The following ELFN2 variants were observed in gnomAD, a reference collection of about 807,000 sequenced individuals.
ELFN2 encodes protein phosphatase 1 regulatory subunit 29.
In ELFN2, 17 loss-of-function variants were observed where a neutral mutation model predicts 45.5. That is an observed-to-expected ratio of 0.37 (90% CI 0.26 to 0.56). The LOEUF (loss-of-function observed/expected upper bound fraction) is 0.56, where lower values mean the gene tolerates loss of function less well. ELFN2 is among the 20% of genes least tolerant of loss of function. The probability of loss-of-function intolerance (pLI) is 0.77; values close to 1 mark genes in which losing one functional copy is unlikely to be tolerated. For missense variants in ELFN2, 922 were observed against 1,183.2 expected, an observed-to-expected ratio of 0.78 and a Z score of 3.24; for synonymous variants, 550 against 551.5, an observed-to-expected ratio of 1.00 and a Z score of 0.04.
chr22:37,374,490 C>T lies in ELFN2; in HGVS notation c.1045G>A (p.Asp349Asn). The T allele has an allele frequency of 6.2e-7, 1 of 1,614,222 alleles. No homozygotes were observed. Among genetic ancestry groups the T allele is most frequent in the Non-Finnish European group, 8.5e-7 (1 of 1,180,034 alleles). Residue 349 changes from aspartate to asparagine, a missense_variant, in exon 3 of 3, where the codon GAC becomes AAC. Transcript: ENST00000402918. ...LKNKKEIVTL[D>N]KLRAHTEYTF... ...TACTCAGTGTGCGCCCGCAGTTTGTCCAGCGTCACGATCTCCTTCTTGTTC... is the reference window on the plus strand; with the variant it reads ...TACTCAGTGTGCGCCCGCAGTTTGTTCAGCGTCACGATCTCCTTCTTGTTC...
chr22:37,352,156 T>G lies in ELFN2; in HGVS notation n.149-9453A>C, dbSNP rs529910816. The G allele has an allele frequency of 2.6e-5, 4 of 151,088 alleles. No individual in the cohort carries two copies. In the East Asian group the frequency reaches 7.7e-4, roughly 29 times the overall value. The allele number at this position is 151,088 out of a possible 1,614,324, so 9.4% of individuals were successfully genotyped here. On this transcript the variant is annotated intron_variant and non_coding_transcript_variant, in intron 1 of 2. Transcript: ENST00000452946. ...CTATGGGTGCCATAAGTCCGCAAGG[T>G]TCAAGGACGCCGATGGTTCACCCAA... is the stretch of plus-strand genomic sequence containing the variant.
rs529749515 is a variant in ELFN2 at position 37,372,822 on chromosome 22, G to A, written c.*250C>T. ...CTGGGCAGCACAGTAAAGACGACTG[G>A]TTTCGGTATCAGTTTGTAAACTTTA... On this transcript the variant is annotated 3_prime_UTR_variant, in exon 3 of 3. Transcript: ENST00000402918. The surrounding 1 kb of genome is among the most constrained non-coding windows in gnomAD (Gnocchi z 4.4). The A allele has an allele frequency of 2.0e-6, 1 of 502,606 alleles. No individual in the cohort carries two copies. Among genetic ancestry groups the A allele is most frequent in the South Asian group, 2.6e-5 (1 of 37,996 alleles). The allele number at this position is 502,606 out of a possible 1,614,324, so 31.1% of individuals were successfully genotyped here. A position where few individuals can be genotyped will look rare whatever the true frequency, so the allele number is the denominator to read the frequency against.
chr22:37,421,099 C>A (rs1050252303), intron 1 of ELFN2, among the ~76,000 whole-genome samples: 1 of 152,180 alleles, frequency 6.6e-6, no homozygotes, highest in Non-Finnish European at 1.5e-5. Flanking sequence ...GATTCTAATG[C>A]TCCCTGACAA....
intron 2 of ELFN2, among the ~76,000 whole-genome samples, chr22:37,402,483 G>A (rs183545399): frequency 6.6e-6 from 1 of 152,264 alleles, no homozygotes; most frequent in South Asian, 2.1e-4. Context: ...CCTAGTTCTT[G>A]CCTCTCAAAA....
chr22:37,358,050 C>T (rs1411421185), intron 1 of ELFN2, among the ~76,000 whole-genome samples: 2 of 152,312 alleles, frequency 1.3e-5, no homozygotes, highest in East Asian at 3.9e-4. Flanking sequence ...TCATTCTCAG[C>T]AGGTGGACCT....
chr22:37,392,610 G>A (rs770850215), intron 2 of ELFN2, among the ~76,000 whole-genome samples: 4 of 152,156 alleles, frequency 2.6e-5, no homozygotes, highest in Non-Finnish European at 2.9e-5. Flanking sequence ...AAGCCACCGC[G>A]CCCGGCCAGA....
intron 1 of ELFN2, chr22:37,354,475 T>C (rs1930901650): frequency 6.6e-6 from 1 of 152,158 alleles, no homozygotes; most frequent in South Asian, 2.1e-4. Flanking sequence ...ATGACTTAGG[T>C]ATGTGACCTT....
intron 1 of ELFN2, among the ~76,000 whole-genome samples, chr22:37,420,030 C>A (rs1334443813): frequency 6.6e-6 from 1 of 152,182 alleles, no homozygotes; most frequent in Non-Finnish European, 1.5e-5. Context: ...TAAACACAGG[C>A]AAGTAAGGAG....
chr22:37,366,451 G>A (rs758337120), downstream of ELFN2, among the ~76,000 whole-genome samples: 9 of 152,334 alleles, frequency 5.9e-5, no homozygotes, highest in South Asian at 2.1e-4. Flanking sequence ...TTGGACTCTC[G>A]AGGTTCGTTG....
intron 2 of ELFN2, among the ~76,000 whole-genome samples, chr22:37,407,706 G>A (rs1017151862): frequency 6.6e-6 from 1 of 151,892 alleles, no homozygotes; most frequent in Non-Finnish European, 1.5e-5. Flanking sequence ...GACCATCCTG[G>A]CTAACATGGT....
chr22:37,390,293 A>C (rs1035859887), intron 2 of ELFN2, among the ~76,000 whole-genome samples: 8 of 152,196 alleles, frequency 5.3e-5, no homozygotes, highest in Non-Finnish European at 8.8e-5. Flanking sequence ...ACAGATGAGG[A>C]GACTGAGGCT....
At chr22:37,390,056 G>A (rs556446950) in intron 2 of ELFN2, among the ~76,000 whole-genome samples, 8 of 152,296 alleles carry the variant, frequency 5.3e-5, no homozygotes, top group African/African-American at 1.4e-4. Flanking sequence ...AGATGAGTCC[G>A]AATTCTGCCC....
chr22:37,418,038 T>G (rs1932779747), intron 1 of ELFN2, 119 bp from the exon 2 acceptor site: 1 of 152,276 alleles, frequency 6.6e-6, no homozygotes, highest in Non-Finnish European at 1.5e-5. Flanking sequence ...TACACTCACT[T>G]CTTTCTTGGG....
At position 37,368,447 on chromosome 22, in the gene ELFN2, A is replaced by C. The variant is rs1433019319; in HGVS notation, c.*4625T>G. On this transcript the variant is annotated 3_prime_UTR_variant, in exon 3 of 3. Transcript: ENST00000402918. ...CCCCTTCCTCTCCCTCCTGCTCAGCAGGACTGCCTGACCTTTAGTGAGGCC... is the reference window on the plus strand; with the variant it reads ...CCCCTTCCTCTCCCTCCTGCTCAGCCGGACTGCCTGACCTTTAGTGAGGCC... The C allele has an allele frequency of 6.6e-6, 1 of 152,386 alleles. No homozygotes were observed. The highest frequency in any genetic ancestry group is 1.9e-4 in the East Asian group (1 of 5,200). 9.4% of individuals were successfully genotyped at this position (152,386 alleles called of 1,614,324 possible).
chr22:37,367,248 G>A (rs1223743194), downstream of ELFN2, among the ~76,000 whole-genome samples: 1 of 152,222 alleles, frequency 6.6e-6, no homozygotes, highest in Non-Finnish European at 1.5e-5. Context: ...GGCTTGGGCG[G>A]TTCAGCCTGC....
Position 37,368,021 on chromosome 22 carries a change from C to T in ELFN2, c.*5051G>A, listed in dbSNP as rs1346762746. 1.3e-5 allele frequency: 2 copies of T among 152,468 alleles called. No individual in the cohort carries two copies. The highest frequency in any genetic ancestry group is 2.9e-5 in the Non-Finnish European group (2 of 68,038). 9.4% of individuals were successfully genotyped at this position (152,468 alleles called of 1,614,324 possible). The stretch of plus-strand genomic sequence containing the variant: ...TTGATTCTCTCCATACAGGAATCTC[C>T]GAGTTGAGGAAAACAATTTCGTGCC... On this transcript the variant is annotated 3_prime_UTR_variant, in exon 3 of 3. Coordinates refer to ENST00000402918, the MANE Select transcript of ELFN2 (RefSeq NM_052906.5).
chr22:37,350,446 G>A (rs1222888783), intron 1 of ELFN2, among the ~76,000 whole-genome samples: 1 of 150,524 alleles, frequency 6.6e-6, no homozygotes, highest in Non-Finnish European at 1.5e-5. Context: ...GGCCACCCAG[G>A]GGGTGAGGGG....
In ELFN2 at chr22:37,397,203, A is replaced by T. The variant is rs73884031; in HGVS notation, c.-463+20566T>A. 2.3e-3 allele frequency among the ~76,000 whole-genome samples: 354 copies of T among 152,262 alleles called. 2 individuals are homozygous for T. The highest frequency in any genetic ancestry group is 8.3e-3 in the African/African-American group (346 of 41,560). ...ACCAGCTCCAAGTGGCATCCCACTGAAGGGTCACTGTGTCCCCTCCAGAGG... is the reference window on the plus strand; with the variant it reads ...ACCAGCTCCAAGTGGCATCCCACTGTAGGGTCACTGTGTCCCCTCCAGAGG... On this transcript the variant is annotated intron_variant, in intron 2 of 2. Transcript: ENST00000402918.
chr22:37,385,592 G>T (rs1304454127), intron 2 of ELFN2, among the ~76,000 whole-genome samples: 1 of 152,202 alleles, frequency 6.6e-6, no homozygotes, highest in Non-Finnish European at 1.5e-5. Flanking sequence ...TGGTTTAGGT[G>T]GCCAGCTGAC....
Sources: gnomAD v4.1 joint callset for allele counts (sites outside exome capture counted in the v4.1 genomes callset) on GRCh38, gnomAD v4.1.1 for gene constraint, Gnocchi (gnomAD v3.1) non-coding constraint, MANE v1.5 for transcripts, NCBI Gene and HGNC (gene_info 2026-07-23, HGNC 2026-07-21) for gene names.